SKOR2: variants seen among roughly 807,000 people sequenced by gnomAD.
SKOR2 encodes the protein LBX1 corepressor 1-like protein.
Under a neutral mutation model 69.1 loss-of-function variants are expected in SKOR2, and 47 were observed. That is an observed-to-expected ratio of 0.68 (90% CI 0.54 to 0.87). The LOEUF is 0.87. SKOR2 is among the 40% of genes least tolerant of loss of function. SKOR2 has a pLI of 0.00. For synonymous variants in SKOR2, 717 were observed against 672.6 expected (o/e 1.07, Z -1.02); for missense variants, 1,404 against 1,472.2 (o/e 0.95, Z 0.76).
At position 47,248,606 on chromosome 18, in the gene SKOR2, G is replaced by A; in HGVS notation, c.578C>T (p.Thr193Met). The change falls in exon 2 of 9, where the codon ACG becomes ATG. Residue 193 changes from threonine to methionine, a missense_variant. Physicochemically the swap from Thr to Met is moderately conservative, Grantham distance 81. This residue lies in a region of SKOR2 where 1,266 missense variants were observed against 1,309.9 expected (regional missense o/e 0.97). Coordinates refer to ENST00000425639, the MANE Select transcript of SKOR2 (RefSeq NM_001278063.4). This position sits in a 1 kb window ranked among gnomAD's most constrained non-coding sequence, Gnocchi z 6.4. ...TGGCTGAGTGTACTTGGCGTCGGGC[G>A]TGCGGTGGGAGTGGAAAATGAACTT... ...PNKFIFHSHRTPDAKYTQPDA... is the reference protein window; with the variant it reads ...PNKFIFHSHRMPDAKYTQPDA... 6.5e-7 allele frequency: 1 copy of A among 1,544,528 alleles called. No homozygotes were observed. Among genetic ancestry groups the A allele is most frequent in the Non-Finnish European group, 8.7e-7 (1 of 1,150,306 alleles).
At chr18:47,231,650 C>A (rs544955052) in intron 4 of SKOR2, among the ~76,000 whole-genome samples, 2 of 152,108 alleles carry the variant, frequency 1.3e-5, no homozygotes, top group South Asian at 4.2e-4. Flanking sequence ...TCAAGACCAG[C>A]CTGACCAACA....
intron 7 of SKOR2, among the ~76,000 whole-genome samples, chr18:47,216,507 AT>A (rs1189461309): frequency 1.2e-4 from 18 of 152,204 alleles, no homozygotes; most frequent in African/African-American, 4.3e-4. Flanking sequence ...AGAGTCAATC[AT>A]TTGACTCTGT....
chr18:47,215,575 C>G (rs2144480312), intron 7 of SKOR2, among the ~76,000 whole-genome samples: 1 of 152,304 alleles, frequency 6.6e-6, no homozygotes, highest in South Asian at 2.1e-4. Context: ...GCACTCCCAT[C>G]ATCAGGAAGT....
At chr18:47,220,105 C>A in intron 6 of SKOR2, 95 bp from the exon 7 acceptor site, 2 of 984,576 alleles carry the variant, frequency 2.0e-6, no homozygotes, top group Admixed American at 2.8e-5. Context: ...CCATGGACAG[C>A]CCCCCTACTT....
At chr18:47,230,681 CATAGG>C in intron 5 of SKOR2, 124 bp from the exon 6 acceptor site, 1 of 684,716 alleles carries the variant, frequency 1.5e-6, no homozygotes, top group Non-Finnish European at 2.3e-6. Flanking sequence ...GTTGCATAGA[CATAGG>C]ATAGATTTTG....
chr18:47,245,751 T>C (rs1405832757), intron 2 of SKOR2, among the ~76,000 whole-genome samples, 190 bp from the exon 3 acceptor site: 2 of 152,162 alleles, frequency 1.3e-5, no homozygotes, highest in African/African-American at 4.8e-5. Context: ...ATCTACACTA[T>C]TATCCTTTAA....
intron 6 of SKOR2, among the ~76,000 whole-genome samples, chr18:47,221,816 T>A (rs991340839): frequency 3.9e-5 from 6 of 152,204 alleles, no homozygotes; most frequent in African/African-American, 9.7e-5. Context: ...TTAGACACTT[T>A]AAAAATTTTT....
intron 6 of SKOR2, among the ~76,000 whole-genome samples, chr18:47,221,554 C>G: frequency 6.6e-6 from 1 of 152,220 alleles, no homozygotes; most frequent in Non-Finnish European, 1.5e-5. Context: ...TGCCTTTGCC[C>G]CTGCTGTGGT....
In SKOR2 at chr18:47,247,873, C is replaced by G. The variant is rs1472361247; in HGVS notation, c.1311G>C (p.Ala437=). ...AGAAAEALGG[A]GAGGAGAAPK... ...GCGCCGCGCCCGCGCCGCCTGCGCC[C>G]GCGCCCCCCAGGGCCTCAGCGGCGG... is the stretch of plus-strand genomic sequence containing the variant. The change falls in exon 2 of 9, where the codon GCG becomes GCC. Residue 437 remains alanine, a synonymous_variant. Coordinates refer to ENST00000425639, the MANE Select transcript of SKOR2 (RefSeq NM_001278063.4). The surrounding 1 kb of genome is among the most constrained non-coding windows in gnomAD (Gnocchi z 6.6). 2.2e-6 allele frequency: 3 copies of G among 1,359,672 alleles called. No individual in the cohort carries two copies. The highest frequency in any genetic ancestry group is 1.5e-5 in the African/African-American group (1 of 64,776). 84.2% of individuals were successfully genotyped at this position (1,359,672 alleles called of 1,614,324 possible).
chr18:47,230,213 G>A (rs1375230728), intron 6 of SKOR2, among the ~76,000 whole-genome samples: 1 of 151,488 alleles, frequency 6.6e-6, no homozygotes, highest in Non-Finnish European at 1.5e-5. Context: ...TTTAAAATAC[G>A]TACAACATGC....
At chr18:47,226,607 C>G (rs2064179657) in intron 6 of SKOR2, among the ~76,000 whole-genome samples, 1 of 152,198 alleles carries the variant, frequency 6.6e-6, no homozygotes, top group Non-Finnish European at 1.5e-5. Flanking sequence ...AAGTTTCACT[C>G]CCTGTTCCTC....
chr18:47,245,583 A>G (rs1208143192), intron 2 of SKOR2, 22 bp from the exon 3 acceptor site: 1 of 1,494,574 alleles, frequency 6.7e-7, no homozygotes, highest in Admixed American at 2.4e-5. Flanking sequence ...AGAATTAGAC[A>G]TACAAATCAA....
At chr18:47,207,268 A>G (rs1366522590) in intron 8 of SKOR2, among the ~76,000 whole-genome samples, 1 of 152,170 alleles carries the variant, frequency 6.6e-6, no homozygotes, top group Admixed American at 6.6e-5. Context: ...ACATAGAAGT[A>G]TGAGTGGAGG....
At chr18:47,215,560 G>GC (rs767973311) in intron 7 of SKOR2, among the ~76,000 whole-genome samples, 5 of 152,136 alleles carry the variant, frequency 3.3e-5, no homozygotes, top group Non-Finnish European at 7.4e-5. Context: ...CTGTGACGAT[G>GC]CACTGCACTC....
chr18:47,210,378 T>C (rs1268064361), intron 8 of SKOR2, among the ~76,000 whole-genome samples: 1 of 152,170 alleles, frequency 6.6e-6, no homozygotes, highest in African/African-American at 2.4e-5. Context: ...GTGAGTGCAA[T>C]TCACTGAGTT....
At chr18:47,226,291 A>G (rs758052317) in intron 6 of SKOR2, among the ~76,000 whole-genome samples, 1 of 152,200 alleles carries the variant, frequency 6.6e-6, no homozygotes, top group Non-Finnish European at 1.5e-5. Flanking sequence ...TAACTTCTGG[A>G]TTTACAGCTG....
chr18:47,231,728 A>T (rs2144496901), intron 4 of SKOR2, among the ~76,000 whole-genome samples: 1 of 151,904 alleles, frequency 6.6e-6, no homozygotes, highest in Admixed American at 6.6e-5. Flanking sequence ...CTGTAATCCT[A>T]GCTACTCGAG....
chr18:47,245,609 A>G (rs1338416456), intron 2 of SKOR2, 48 bp from the exon 3 acceptor site: 3 of 1,459,940 alleles, frequency 2.1e-6, no homozygotes, highest in Non-Finnish European at 2.7e-6. Flanking sequence ...GGATCAAACC[A>G]TATGCTAATG....
intron 7 of SKOR2, among the ~76,000 whole-genome samples, chr18:47,212,383 A>G (rs946756917): frequency 6.6e-6 from 1 of 152,236 alleles, no homozygotes; most frequent in African/African-American, 2.4e-5. Context: ...TGCTACAGCT[A>G]GTCCTTGAGG....
Sources: allele counts gnomAD v4.1 joint callset (sites outside exome capture counted in the v4.1 genomes callset), GRCh38; gene constraint gnomAD v4.1.1; regional missense constraint gnomAD v4.1.1; non-coding constraint Gnocchi (gnomAD v3.1); transcripts MANE v1.5; gene names NCBI Gene and HGNC (gene_info 2026-07-23, HGNC 2026-07-21).